The following CAMTA1 variants were observed in gnomAD, a reference collection of about 807,000 sequenced individuals.
CAMTA1 encodes calmodulin binding transcription activator 1.
CAMTA1 carries 27 observed loss-of-function variants against 170.9 expected under a neutral mutation model. The observed-to-expected ratio is 0.16, with a 90% CI of 0.12 to 0.22. CAMTA1 has a LOEUF of 0.22. Among genes scored for constraint, CAMTA1 ranks in the 10% least tolerant of loss-of-function variants. The pLI is 1.00. For missense variants in CAMTA1, 1,619 were observed against 2,217.2 expected (o/e 0.73, Z 5.42); for synonymous variants, 833 against 891.5 (o/e 0.93, Z 1.17).
At chr1:7,519,093 A>G (rs2094326510) in intron 6 of CAMTA1, among the ~76,000 whole-genome samples, 1 of 152,078 alleles carries the variant, frequency 6.6e-6, no homozygotes, top group Non-Finnish European at 1.5e-5. Context: ...AAAAATGTTA[A>G]TATGCAATTA....
intron 6 of CAMTA1, among the ~76,000 whole-genome samples, chr1:7,513,363 T>C (rs1393025155): frequency 6.6e-6 from 1 of 152,098 alleles, no homozygotes; most frequent in Non-Finnish European, 1.5e-5. Flanking sequence ...TGTGGGGACA[T>C]CAGTGTGAGT....
chr1:7,015,979 G>A (rs1020386770), intron 3 of CAMTA1, among the ~76,000 whole-genome samples: 6 of 152,340 alleles, frequency 3.9e-5, no homozygotes, highest in African/African-American at 9.6e-5. Context: ...CATGAGAACA[G>A]CAAGAGGGAA....
chr1:7,705,603 A>G (rs1034227318), intron 11 of CAMTA1, among the ~76,000 whole-genome samples: 33 of 151,940 alleles, frequency 2.2e-4, no homozygotes, highest in Admixed American at 5.9e-4. Context: ...CTTCTCCTCA[A>G]CACGGGTTTT....
intron 6 of CAMTA1, among the ~76,000 whole-genome samples, chr1:7,473,744 C>T (rs1199397632): frequency 6.6e-6 from 1 of 152,248 alleles, no homozygotes; most frequent in Non-Finnish European, 1.5e-5. Flanking sequence ...GCCGTGAGCC[C>T]TCCTGGCCCA....
chr1:7,614,761 C>G (rs2095548040), intron 6 of CAMTA1, among the ~76,000 whole-genome samples: 1 of 152,176 alleles, frequency 6.6e-6, no homozygotes, highest in Non-Finnish European at 1.5e-5. Context: ...TCAAATCAGG[C>G]TCATCTGATG....
At chr1:7,059,553 G>A (rs1473222093) in intron 3 of CAMTA1, among the ~76,000 whole-genome samples, 2 of 152,120 alleles carry the variant, frequency 1.3e-5, no homozygotes, top group African/African-American at 2.4e-5. Context: ...ACAGGAGGTC[G>A]AGGCTGCAGT....
At chr1:7,032,263 C>T (rs969917297) in intron 3 of CAMTA1, among the ~76,000 whole-genome samples, 3 of 152,314 alleles carry the variant, frequency 2.0e-5, no homozygotes, top group Admixed American at 2.0e-4. Context: ...CTGCACCCGG[C>T]CCCTTTTCTC....
At chr1:7,304,073 A>G (rs1675206933) in intron 5 of CAMTA1, among the ~76,000 whole-genome samples, 1 of 132,146 alleles carries the variant, frequency 7.6e-6, no homozygotes, top group Non-Finnish European at 1.8e-5. Context: ...GGGGAGGGAG[A>G]TGAAGAGTTA....
At chr1:6,877,707 C>T (rs987789511) in intron 3 of CAMTA1, among the ~76,000 whole-genome samples, 1 of 152,184 alleles carries the variant, frequency 6.6e-6, no homozygotes. Context: ...GGCCACAGAA[C>T]TTCAATTATT....
chr1:7,076,914 G>T (rs967895926), intron 3 of CAMTA1, among the ~76,000 whole-genome samples: 2 of 152,226 alleles, frequency 1.3e-5, no homozygotes, highest in African/African-American at 4.8e-5. Flanking sequence ...GCTCAAAGCT[G>T]GGTTGCTTGT....
intron 3 of CAMTA1, among the ~76,000 whole-genome samples, chr1:6,987,294 C>T (rs1304375552): frequency 6.6e-6 from 1 of 152,128 alleles, no homozygotes; most frequent in African/African-American, 2.4e-5. Flanking sequence ...TCCCAAGTAG[C>T]TGGGACTACA....
intron 4 of CAMTA1, among the ~76,000 whole-genome samples, chr1:7,236,388 G>A (rs1355450022): frequency 6.6e-6 from 1 of 152,158 alleles, no homozygotes; most frequent in Non-Finnish European, 1.5e-5. Flanking sequence ...GGCTCAGCCC[G>A]CCCTTGCTCT....
intron 10 of CAMTA1, among the ~76,000 whole-genome samples, chr1:7,676,073 C>G (rs1188723147): frequency 6.6e-6 from 1 of 152,242 alleles, no homozygotes; most frequent in African/African-American, 2.4e-5. Context: ...CCCAAGGAGG[C>G]TGCTAAGAGG....
At chr1:7,506,500 G>A (rs949252825) in intron 6 of CAMTA1, among the ~76,000 whole-genome samples, 1 of 151,506 alleles carries the variant, frequency 6.6e-6, no homozygotes, top group Non-Finnish European at 1.5e-5. Flanking sequence ...ACTTCATACT[G>A]AAACTCAAAA....
At chr1:7,177,441 T>C in intron 4 of CAMTA1, among the ~76,000 whole-genome samples, 1 of 117,438 alleles carries the variant, frequency 8.5e-6, no homozygotes, top group African/African-American at 3.3e-5. Context: ...CAAGTCCCAC[T>C]CACACAGAGG....
chr1:7,511,089 T>G (rs1156952229), intron 6 of CAMTA1, among the ~76,000 whole-genome samples: 1 of 145,758 alleles, frequency 6.9e-6, no homozygotes, highest in African/African-American at 2.5e-5. Context: ...ACTCAGCACC[T>G]GCTACTGGGT....
chr1:7,385,611 T>A (rs1373390324), intron 5 of CAMTA1, among the ~76,000 whole-genome samples: 2 of 152,116 alleles, frequency 1.3e-5, no homozygotes, highest in Non-Finnish European at 2.9e-5. Flanking sequence ...GAGTGCTGCC[T>A]GGAGAGCAGC....
rs1451227093 is a variant in CAMTA1 at position 7,455,960 on chromosome 1, C to T, written c.439-11870C>T. ...CAGCGCCAGAGGGTACAGCCTGAGC[C>T]TCCTTACCAAGGCTCAGGGTCCCAC... On this transcript the variant is annotated intron_variant, in intron 5 of 22. Transcript: ENST00000303635. This position sits in a 1 kb window ranked among gnomAD's most constrained non-coding sequence, Gnocchi z 5.0. 6.6e-6 allele frequency among the ~76,000 whole-genome samples: 1 copy of T among 152,200 alleles called. No homozygotes were observed. The highest frequency in any genetic ancestry group is 1.5e-5 in the Non-Finnish European group (1 of 68,040).
Position 7,588,216 on chromosome 1 carries a change from A to G in CAMTA1, c.511-52184A>G, listed in dbSNP as rs566520822. 2.6e-5 allele frequency among the ~76,000 whole-genome samples: 4 copies of G among 152,146 alleles called. No homozygotes were observed. The South Asian group carries it at 8.3e-4, about 32-fold the overall frequency. On this transcript the variant is annotated intron_variant, in intron 6 of 22. Transcript: ENST00000303635. This position sits in a 1 kb window ranked among gnomAD's most constrained non-coding sequence, Gnocchi z 5.8. The stretch of plus-strand genomic sequence containing the variant: ...TCTCAGCCAGGAAAATCCCTACCCC[A>G]GGACAAGCTCCTGTGGCCAGACAAC...
Sources: allele counts gnomAD v4.1 joint callset (sites outside exome capture counted in the v4.1 genomes callset), GRCh38; gene constraint gnomAD v4.1.1; non-coding constraint Gnocchi (gnomAD v3.1); transcripts MANE v1.5; gene names NCBI Gene and HGNC (gene_info 2026-07-23, HGNC 2026-07-21).